The following NDST4 variants were observed in gnomAD, a reference collection of about 807,000 sequenced individuals.
The protein encoded by NDST4 is N-heparan sulfate sulfotransferase 4.
A neutral mutation model predicts 100.8 loss-of-function variants in NDST4; 63 were observed. The ratio of observed to expected loss-of-function variants is 0.62; its 90% CI spans 0.51 to 0.77. The LOEUF (loss-of-function observed/expected upper bound fraction) is 0.77, where lower values mean the gene tolerates loss of function less well. NDST4 is among the 30% of genes least tolerant of loss of function. NDST4 has a pLI of 0.00. For missense variants in NDST4, 943 were observed against 1,018.4 expected, an observed-to-expected ratio of 0.93 and a Z score of 1.01; for synonymous variants, 377 against 361.8, an observed-to-expected ratio of 1.04 and a Z score of -0.48.
At chr4:114,930,766 C>G (rs563382840) in intron 6 of NDST4, among the ~76,000 whole-genome samples, 11 of 151,998 alleles carry the variant, frequency 7.2e-5, no homozygotes, top group Non-Finnish European at 1.5e-4. Context: ...GGAATCATTA[C>G]AGAAGAAGAA....
intron 2 of NDST4, among the ~76,000 whole-genome samples, chr4:115,040,745 A>G (rs954185227): frequency 6.6e-6 from 1 of 152,040 alleles, no homozygotes; most frequent in African/African-American, 2.4e-5. Context: ...CAAAATTGAA[A>G]CATTTTGCTC....
At chr4:115,092,417 G>C (rs1456340423) in intron 1 of NDST4, among the ~76,000 whole-genome samples, 1 of 152,020 alleles carries the variant, frequency 6.6e-6, no homozygotes, top group Non-Finnish European at 1.5e-5. Flanking sequence ...TTTCTCAAAC[G>C]TAAGAAGCAT....
intron 6 of NDST4, among the ~76,000 whole-genome samples, chr4:114,879,807 A>G (rs1724328838): frequency 6.6e-6 from 1 of 152,194 alleles, no homozygotes; most frequent in South Asian, 2.1e-4. Context: ...ACAAAACACT[A>G]TCCTAAAACC....
At chr4:114,835,545 TC>T (rs1723289957) in intron 11 of NDST4, among the ~76,000 whole-genome samples, 1 of 152,184 alleles carries the variant, frequency 6.6e-6, no homozygotes. Flanking sequence ...CATTACGTGG[TC>T]AATTTTAGAA....
chr4:115,080,710 A>AATG (rs1729283527), intron 1 of NDST4, among the ~76,000 whole-genome samples: 1 of 149,044 alleles, frequency 6.7e-6, no homozygotes, highest in African/African-American at 2.5e-5. Context: ...GTGTGTGTGT[A>AATG]ATAATGAAAG....
chr4:115,111,320 T>C (rs1348569411), intron 1 of NDST4, among the ~76,000 whole-genome samples: 4 of 151,888 alleles, frequency 2.6e-5, no homozygotes, highest in Non-Finnish European at 5.9e-5. Context: ...AGAATAGGTA[T>C]AACAGTTTTT....
At chr4:114,901,586 CA>C (rs1724839657) in intron 6 of NDST4, among the ~76,000 whole-genome samples, 2 of 152,052 alleles carry the variant, frequency 1.3e-5, no homozygotes, top group East Asian at 3.9e-4. Flanking sequence ...TCCACTCTGA[CA>C]ATCTCTATCT....
chr4:115,067,309 G>A (rs1728970276), intron 2 of NDST4, among the ~76,000 whole-genome samples: 2 of 152,082 alleles, frequency 1.3e-5, no homozygotes, highest in Non-Finnish European at 2.9e-5. Context: ...CTCTGAAAAT[G>A]ATTCATACCT....
intron 2 of NDST4, among the ~76,000 whole-genome samples, chr4:115,024,289 T>C (rs995869717): frequency 6.6e-6 from 1 of 152,102 alleles, no homozygotes; most frequent in Non-Finnish European, 1.5e-5. Context: ...TCATGCAGCT[T>C]CATTCTGGGA....
At chr4:114,946,078 C>T (rs766880814) in intron 4 of NDST4, among the ~76,000 whole-genome samples, 4 of 152,114 alleles carry the variant, frequency 2.6e-5, no homozygotes, top group Non-Finnish European at 5.9e-5. Context: ...TATTCTTGAC[C>T]CTGCTGAAGG....
At chr4:114,961,161 T>C (rs970606067) in intron 4 of NDST4, among the ~76,000 whole-genome samples, 1 of 151,918 alleles carries the variant, frequency 6.6e-6, no homozygotes, top group African/African-American at 2.4e-5. Flanking sequence ...TGAATAAAAA[T>C]GAAGACCCAA....
chr4:114,974,178 TG>T lies in NDST4; in HGVS notation c.1066+3008del, dbSNP rs558797531. The stretch of plus-strand genomic sequence containing the variant: ...TGAGGCACAGAAAATTTAAGTAAAC[TG>T]TGTTCAAATGCTGGCAAAATGTCAG... On this transcript the variant is annotated intron_variant, in intron 3 of 13. Transcript: ENST00000264363. 7.1e-4 allele frequency among the ~76,000 whole-genome samples: 108 copies of T among 152,144 alleles called. 1 individual carries two copies. Among genetic ancestry groups the T allele is most frequent in the East Asian group, 5.8e-4 (3 of 5,180 alleles).
At chr4:115,088,007 AGATTAT>A (rs1459124135) in intron 1 of NDST4, among the ~76,000 whole-genome samples, 1 of 151,846 alleles carries the variant, frequency 6.6e-6, no homozygotes, top group Non-Finnish European at 1.5e-5. Context: ...TTTTACACTT[AGATTAT>A]GATAGTTATA....
intron 2 of NDST4, among the ~76,000 whole-genome samples, chr4:115,013,151 C>T (rs1161861191): frequency 1.3e-5 from 2 of 150,658 alleles, no homozygotes; most frequent in Non-Finnish European, 3.0e-5. Context: ...TTTGATAGCA[C>T]AAGAGGGTGA....
chr4:115,099,555 T>C (rs1729688999), intron 1 of NDST4, among the ~76,000 whole-genome samples: 1 of 152,130 alleles, frequency 6.6e-6, no homozygotes, highest in African/African-American at 2.4e-5. Flanking sequence ...ATTTAGGATA[T>C]GAGAAGATGG....
chr4:115,066,557 C>A (rs1015706573), intron 2 of NDST4, among the ~76,000 whole-genome samples: 3 of 152,116 alleles, frequency 2.0e-5, no homozygotes, highest in Non-Finnish European at 4.4e-5. Flanking sequence ...TAGAGCTTCT[C>A]TTTTCAAACA....
chr4:115,097,434 C>T (rs1488376090), intron 1 of NDST4, among the ~76,000 whole-genome samples: 1 of 152,104 alleles, frequency 6.6e-6, no homozygotes, highest in East Asian at 1.9e-4. Context: ...CTCTTTCTCT[C>T]TATCTCTATT....
intron 6 of NDST4, among the ~76,000 whole-genome samples, chr4:114,920,466 AT>A (rs1168402295): frequency 1.3e-5 from 2 of 152,302 alleles, no homozygotes; most frequent in African/African-American, 4.8e-5. Flanking sequence ...AGTGGATATA[AT>A]AACAGCTTCA....
chr4:114,977,408 T>C (rs1726663588), intron 2 of NDST4, 134 bp from the exon 3 acceptor site: 3 of 495,954 alleles, frequency 6.0e-6, no homozygotes, highest in Non-Finnish European at 1.1e-5. Context: ...TACTGTTATG[T>C]AGTATTCGTA....
Sources: allele counts gnomAD v4.1 joint callset (sites outside exome capture counted in the v4.1 genomes callset), GRCh38; gene constraint gnomAD v4.1.1; transcripts MANE v1.5; gene names NCBI Gene and HGNC (gene_info 2026-07-23, HGNC 2026-07-21).